The following IFT140 variants were observed in gnomAD, a reference collection of about 807,000 sequenced individuals.
IFT140 encodes intraflagellar transport protein 140 homolog.
In IFT140, 133 loss-of-function variants were observed where a neutral mutation model predicts 164.6. The observed-to-expected ratio is 0.81, with a 90% CI of 0.70 to 0.93. The LOEUF (loss-of-function observed/expected upper bound fraction) is 0.93. Ranked by LOEUF, IFT140 falls within the 40% of genes least tolerant of loss-of-function variation. IFT140 has a pLI of 0.00. For synonymous variants in IFT140, 860 were observed against 817.3 expected (o/e 1.05, Z -0.89); for missense variants, 2,045 against 1,972.3 (o/e 1.04, Z -0.70).
intron 17 of IFT140, 132 bp from the exon 18 acceptor site, chr16:1,562,248 C>T (rs1260443675): frequency 2.8e-5 from 19 of 690,160 alleles, no homozygotes; most frequent in African/African-American, 5.6e-5. Context: ...ATGGTGGGGT[C>T]GGGTGCTTTG....
chr16:1,547,148 G>C (rs2032244539), intron 19 of IFT140, among the ~76,000 whole-genome samples: 1 of 152,186 alleles, frequency 6.6e-6, no homozygotes, highest in Non-Finnish European at 1.5e-5. Flanking sequence ...CCATTACCTT[G>C]TAATTTGTAT....
chr16:1,528,529 A>G (rs930307246), intron 19 of IFT140, among the ~76,000 whole-genome samples: 2 of 150,872 alleles, frequency 1.3e-5, no homozygotes, highest in East Asian at 2.0e-4. Context: ...ACAGGCACAC[A>G]CAAGCACATG....
intron 13 of IFT140, chr16:1,579,575 G>A (rs952505606): frequency 3.9e-5 from 6 of 152,176 alleles, no homozygotes; most frequent in African/African-American, 9.7e-5. Flanking sequence ...TAATTTGTTA[G>A]GGCAGCCACA....
chr16:1,530,162 CAG>C (rs1351476877), intron 19 of IFT140, among the ~76,000 whole-genome samples: 2 of 93,324 alleles, frequency 2.1e-5, no homozygotes, highest in East Asian at 3.2e-4. Flanking sequence ...TTTTTTGAGA[CAG>C]AGTCTCACTC....
At chr16:1,576,075 C>A (rs2034259576) in intron 13 of IFT140, among the ~76,000 whole-genome samples, 1 of 151,468 alleles carries the variant, frequency 6.6e-6, no homozygotes, top group Non-Finnish European at 1.5e-5. Flanking sequence ...CACCTGAGGT[C>A]AGAAGTTTGA....
intron 18 of IFT140, among the ~76,000 whole-genome samples, chr16:1,561,426 A>G (rs2033402446): frequency 6.6e-6 from 1 of 152,200 alleles, no homozygotes; most frequent in Non-Finnish European, 1.5e-5. Context: ...ATTTAAAAAC[A>G]CGTCCATGCA....
intron 20 of IFT140, 60 bp from the exon 21 acceptor site, chr16:1,526,137 C>T: frequency 1.4e-6 from 2 of 1,462,202 alleles, no homozygotes; most frequent in Non-Finnish European, 1.9e-6. Context: ...CTCAAACACA[C>T]TGTTCCACGC....
intron 12 of IFT140, among the ~76,000 whole-genome samples, chr16:1,582,637 C>T (rs555979732): frequency 8.5e-5 from 13 of 152,388 alleles, no homozygotes; most frequent in African/African-American, 2.9e-4. Context: ...GGCGCGGAGG[C>T]GCACGCCTGT....
chr16:1,578,415 C>G (rs2034384044), intron 13 of IFT140: 1 of 152,076 alleles, frequency 6.6e-6, no homozygotes. Flanking sequence ...AGCTCTCAAC[C>G]TGGTCACAGA....
chr16:1,580,493 T>C (rs2034499953), intron 13 of IFT140: 4 of 367,500 alleles, frequency 1.1e-5, no homozygotes, highest in Non-Finnish European at 1.5e-5. Context: ...GCTCCGGCTA[T>C]GTAGGATGTG....
chr16:1,518,294 G>C lies in IFT140; in HGVS notation c.4104C>G (p.Asp1368Glu). 1 of 1,614,128 alleles carries C rather than the reference G, an allele frequency of 6.2e-7. No homozygotes were observed. Among genetic ancestry groups the C allele is most frequent in the East Asian group, 2.2e-5 (1 of 44,858 alleles). ...KQCELLLEEP[D>E]LDSTIRIGDV... ...CCCCGATGCGGATGGTGCTGTCCAG[G>C]TCTGGTTCCTCCAGGAGCAGCTCAC... is the stretch of plus-strand genomic sequence containing the variant. Residue 1368 changes from aspartate (D) to glutamate (E), a missense_variant, in exon 30 of 31, where the codon GAC becomes GAG. Asp to Glu is a conservative substitution (Grantham distance 45, BLOSUM62 2). Transcript: ENST00000426508.
At position 1,587,187 on chromosome 16, in the gene IFT140, G is replaced by A. The variant is rs761927308; in HGVS notation, c.1009+11C>T. ...GTTCTGTTTCTCTTGTGCCAGGCCAGGAAGCCTCACCTTTGACTTTACAGT... is the reference window on the plus strand; with the variant it reads ...GTTCTGTTTCTCTTGTGCCAGGCCAAGAAGCCTCACCTTTGACTTTACAGT... On this transcript the variant is annotated intron_variant, in intron 9 of 30. Coordinates refer to ENST00000426508, the MANE Select transcript of IFT140 (RefSeq NM_014714.4). 30 of 1,558,840 alleles carry A rather than the reference G, an allele frequency of 1.9e-5. No homozygotes were observed. Among genetic ancestry groups the A allele is most frequent in the Non-Finnish European group, 2.6e-5 (29 of 1,130,398 alleles).
At chr16:1,595,109 C>A (rs2035388250) in intron 4 of IFT140, among the ~76,000 whole-genome samples, 1 of 151,674 alleles carries the variant, frequency 6.6e-6, no homozygotes. Flanking sequence ...CACGGTGAAA[C>A]CCTGTCTCTA....
chr16:1,514,499 C>T (rs906886102), intron 30 of IFT140: 14 of 152,190 alleles, frequency 9.2e-5, no homozygotes, highest in Admixed American at 2.6e-4. Context: ...GCCCTCGTCA[C>T]TAGTTGCTCC....
At chr16:1,576,005 G>T (rs576872077) in intron 13 of IFT140, among the ~76,000 whole-genome samples, 1 of 152,288 alleles carries the variant, frequency 6.6e-6, no homozygotes, top group East Asian at 1.9e-4. Context: ...ATATTTAAAG[G>T]CCAGGCGCAG....
intron 2 of IFT140, among the ~76,000 whole-genome samples, chr16:1,608,058 C>T (rs889256314): frequency 2.0e-5 from 3 of 151,988 alleles, no homozygotes; most frequent in Admixed American, 6.5e-5. Context: ...CTGTCTTTTA[C>T]CTCTGACTCA....
rs1000292750 is a variant in IFT140 at position 1,596,201 on chromosome 16, C to T, written c.370-3613G>A. Among the ~76,000 whole-genome samples the T allele has an allele frequency of 6.8e-5, 10 of 146,594 alleles. No individual in the cohort carries two copies. In the East Asian group the frequency reaches 2.1e-3, roughly 31 times the overall value. On this transcript the variant is annotated intron_variant, in intron 4 of 30. Coordinates refer to ENST00000426508, the MANE Select transcript of IFT140 (RefSeq NM_014714.4). ...AAATGAAAATGAATGACCCCCCCAT[C>T]CCCCTCCCAGCCTCCTCCCTGGAGC...
At chr16:1,575,451 G>A (rs1938309350) in intron 13 of IFT140, among the ~76,000 whole-genome samples, 1 of 152,088 alleles carries the variant, frequency 6.6e-6, no homozygotes, top group South Asian at 2.1e-4. Context: ...CGCTCAGGAG[G>A]CTGAGGTGGG....
chr16:1,518,791 G>A (rs1046012915), intron 29 of IFT140, among the ~76,000 whole-genome samples: 1 of 151,996 alleles, frequency 6.6e-6, no homozygotes, highest in African/African-American at 2.4e-5. Flanking sequence ...GTGACCTGGC[G>A]TGAGGGTCTG....
Sources: allele counts gnomAD v4.1 joint callset (sites outside exome capture counted in the v4.1 genomes callset), GRCh38; gene constraint gnomAD v4.1.1; transcripts MANE v1.5; gene names NCBI Gene and HGNC (gene_info 2026-07-23, HGNC 2026-07-21).